NBPF11: variants seen among roughly 807,000 people sequenced by gnomAD.
The protein encoded by NBPF11 is NBPF family member NBPF11.
Under a neutral mutation model 93.9 loss-of-function variants are expected in NBPF11, and 72 were observed. That is an observed-to-expected ratio of 0.77 (90% CI 0.63 to 0.93). The LOEUF (loss-of-function observed/expected upper bound fraction) is 0.93. NBPF11 is among the 40% of genes least tolerant of loss of function. NBPF11 has a pLI of 0.00. For synonymous variants in NBPF11, 224 were observed against 304.9 expected, an observed-to-expected ratio of 0.73 and a Z score of 2.76; for missense variants, 705 against 802.2, an observed-to-expected ratio of 0.88 and a Z score of 1.46.
At chr1:148,136,291 T>C (rs1448279692) in intron 3 of NBPF11, among the ~76,000 whole-genome samples, 1 of 151,700 alleles carries the variant, frequency 6.6e-6, no homozygotes, top group African/African-American at 2.4e-5. Flanking sequence ...AGCAGTTTTA[T>C]TCGTAATAGG....
At chr1:148,128,918 A>G (rs1378416553) in intron 4 of NBPF11, among the ~76,000 whole-genome samples, 1 of 146,070 alleles carries the variant, frequency 6.8e-6, no homozygotes, top group Non-Finnish European at 1.5e-5. Flanking sequence ...CGGTGCGAGC[A>G]TGTTCTCACT....
Position 148,138,276 on chromosome 1 carries a change from G to A in NBPF11, c.-276-467C>T, listed in dbSNP as rs1271090277. Among the ~76,000 whole-genome samples, 14 of 151,030 alleles carry A rather than the reference G, an allele frequency of 9.3e-5. 1 individual carries two copies. The highest frequency in any genetic ancestry group is 2.0e-4 in the African/African-American group (8 of 40,708). ...GGAATATACAATCGGGCTTTACACC[G>A]AGACATTCCATTGCCCAGGGATGAG... is the stretch of plus-strand genomic sequence containing the variant. On this transcript the variant is annotated intron_variant, in intron 2 of 23. Transcript: ENST00000682118.
In NBPF11 at chr1:148,122,120, G is replaced by T. The variant is rs1182601638; in HGVS notation, c.713C>A (p.Ser238Ter). The change falls in exon 9 of 24, where the codon TCA (serine) becomes TAA (stop). Residue 238 changes from serine to a stop codon, truncating the protein, a stop_gained. Coordinates refer to ENST00000682118, the MANE Select transcript of NBPF11 (RefSeq NM_001385469.3). LOFTEE classifies it high-confidence loss of function. ...KITFEEDKVN[S>*]SLVVDRESSH... ...GGATTCTCTGTCTACAACCAGAGAT[G>T]AGTTGACTTTGTCTTCCTCAAATGT... is the stretch of plus-strand genomic sequence containing the variant. The T allele has an allele frequency of 6.2e-7, 1 of 1,613,452 alleles. No homozygotes were observed. The highest frequency in any genetic ancestry group is 1.1e-5 in the South Asian group (1 of 91,062).
intron 17 of NBPF11, 134 bp downstream of exon 17, chr1:148,109,150 A>C (rs1369525742): frequency 2.5e-6 from 2 of 784,454 alleles, no homozygotes; most frequent in African/African-American, 3.4e-5. Flanking sequence ...GAGAACCAAA[A>C]AACAATGCAG....
At position 148,119,844 on chromosome 1, in the gene NBPF11, T is replaced by C. The variant is rs1236266744; in HGVS notation, c.988+657A>G. Among the ~76,000 whole-genome samples, 8 of 151,960 alleles carry C rather than the reference T, an allele frequency of 5.3e-5. No individual in the cohort carries two copies. The East Asian group carries it at 5.8e-4, about 11-fold the overall frequency. ...CTACTTTTTGTATTTTTAGTGGAGA[T>C]GGGGTTTCTCCATGTTGCCCAGGCT... is the stretch of plus-strand genomic sequence containing the variant. On this transcript the variant is annotated intron_variant, in intron 10 of 23. Coordinates refer to ENST00000682118, the MANE Select transcript of NBPF11 (RefSeq NM_001385469.3).
rs1168755044 is a variant in NBPF11 at position 148,120,583 on chromosome 1, C to G, written c.906G>C (p.Lys302Asn). The G allele has an allele frequency of 2.1e-6, 3 of 1,440,552 alleles. No individual in the cohort carries two copies. The African/African-American group carries it at 4.2e-5, about 20-fold the overall frequency. 89.2% of individuals were successfully genotyped at this position (1,440,552 alleles called of 1,614,324 possible). The change falls in exon 10 of 24, where the codon AAG (lysine) becomes AAC (asparagine). Residue 302 changes from lysine (K) to asparagine (N), a missense_variant. Around this residue, in one of 12 missense-constraint regions of NBPF11, gnomAD observed 262 missense variants for 223.1 expected, o/e 1.17. Transcript: ENST00000682118. Reference protein sequence around the residue: ...NEKLCPQLAEKKQQFRSLKEK... With the variant: ...NEKLCPQLAENKQQFRSLKEK... The stretch of plus-strand genomic sequence containing the variant: ...CTTTGAGGCTTCTGAACTGCTGTTT[C>G]TTCTCTGCCAGCTGGGGGCACAATT...
intron 4 of NBPF11, among the ~76,000 whole-genome samples, chr1:148,130,958 T>C (rs1253951279): frequency 2.9e-4 from 44 of 152,084 alleles, no homozygotes; most frequent in Middle Eastern, 3.4e-3. Context: ...GTCTTGTAAA[T>C]ACTGAGTAGT....
rs1475744853 is a variant in NBPF11 at position 148,134,967 on chromosome 1, T to C, written c.-36+705A>G. Among the ~76,000 whole-genome samples the C allele has an allele frequency of 2.5e-4, 38 of 151,660 alleles. 2 individuals are homozygous for C. Among genetic ancestry groups the C allele is most frequent in the African/African-American group, 8.5e-4 (35 of 41,040 alleles). On this transcript the variant is annotated intron_variant, in intron 4 of 23. Transcript: ENST00000682118. ...TCTTCACCTTTTCAATAAACCTGCC[T>C]GAATTAAAGCTGATGGGAGTTTATT...
intron 11 of NBPF11, among the ~76,000 whole-genome samples, chr1:148,118,391 C>A (rs3992650): frequency 5.3e-5 from 8 of 151,560 alleles, no homozygotes; most frequent in Admixed American, 2.6e-4. Context: ...TTCACATCAA[C>A]AATTACTTGT....
chr1:148,138,358 T>A (rs1326198484), intron 2 of NBPF11, among the ~76,000 whole-genome samples: 1 of 151,172 alleles, frequency 6.6e-6, no homozygotes, highest in African/African-American at 2.4e-5. Flanking sequence ...CTTCCTCTTT[T>A]ACTAATCCTC....
rs1315470794 is a variant in NBPF11 at position 148,102,357 on chromosome 1, T to G, written c.*1539A>C. On this transcript the variant is annotated 3_prime_UTR_variant, in exon 24 of 24. Coordinates refer to ENST00000682118, the MANE Select transcript of NBPF11 (RefSeq NM_001385469.3). ...GGAGGATTAATAAATGATAAAATGTTTAGAGGATGATCATTAGAATACAGG... is the reference window on the plus strand; with the variant it reads ...GGAGGATTAATAAATGATAAAATGTGTAGAGGATGATCATTAGAATACAGG... 1 of 151,796 alleles carries G rather than the reference T, an allele frequency of 6.6e-6. No homozygotes were observed. Among genetic ancestry groups the G allele is most frequent in the Admixed American group, 6.6e-5 (1 of 15,252 alleles). The allele number at this position is 151,796 out of a possible 1,614,324, so 9.4% of individuals were successfully genotyped here.
At chr1:148,149,136 G>A (rs1647556260) in intron 1 of NBPF11, 3 of 1,582,908 alleles carry the variant, frequency 1.9e-6, no homozygotes, top group Non-Finnish European at 2.6e-6. Context: ...GGAGGCCGCG[G>A]CTGACCCTGC....
chr1:148,116,169 T>C (rs28601624), intron 13 of NBPF11, among the ~76,000 whole-genome samples, 171 bp from the exon 14 acceptor site: 11 of 151,894 alleles, frequency 7.2e-5, no homozygotes, highest in South Asian at 4.2e-4. Flanking sequence ...CAACAGAGCA[T>C]GGCTGCCATG....
intron 1 of NBPF11, among the ~76,000 whole-genome samples, chr1:148,147,541 G>A (rs1294210844): frequency 6.6e-6 from 1 of 152,010 alleles, no homozygotes; most frequent in African/African-American, 2.4e-5. Context: ...GTGCTGCTTT[G>A]GACGAGGAGA....
At position 148,122,040 on chromosome 1, in the gene NBPF11, G is replaced by A; in HGVS notation, c.778+15C>T. The A allele has an allele frequency of 6.3e-7, 1 of 1,582,490 alleles. No homozygotes were observed. Among genetic ancestry groups the A allele is most frequent in the South Asian group, 1.1e-5 (1 of 90,382 alleles). On this transcript the variant is annotated intron_variant, in intron 9 of 23. Coordinates refer to ENST00000682118, the MANE Select transcript of NBPF11 (RefSeq NM_001385469.3). Reference sequence around the variant, plus strand: ...CCTAGACAGAGGTATGAGACACAAGGAAAATAGAGGCTACCTGGGAGAATG... The same window carrying A: ...CCTAGACAGAGGTATGAGACACAAGAAAAATAGAGGCTACCTGGGAGAATG...
intron 1 of NBPF11, among the ~76,000 whole-genome samples, chr1:148,150,245 A>G (rs2746937): frequency 0.1 from 13,051 of 126,558 alleles, 917 homozygotes; most frequent in African/African-American, 0.19. Context: ...TCAACCTCCC[A>G]GGCTCTGTTG....
chr1:148,130,784 C>A (rs1227444120), intron 4 of NBPF11, among the ~76,000 whole-genome samples: 1 of 151,926 alleles, frequency 6.6e-6, no homozygotes, highest in Non-Finnish European at 1.5e-5. Flanking sequence ...GTTTCTTGTA[C>A]CCCTTTGCAG....
intron 10 of NBPF11, 94 bp downstream of exon 10, chr1:148,120,407 T>A (rs1667552443): frequency 1.3e-6 from 1 of 769,022 alleles, no homozygotes; most frequent in East Asian, 2.4e-5. Context: ...ATGGGGAGGA[T>A]GACATTATTT....
chr1:148,108,710 C>T (rs1295558674), intron 17 of NBPF11, 56 bp from the exon 18 acceptor site: 1 of 774,072 alleles, frequency 1.3e-6, no homozygotes, highest in Admixed American at 1.9e-5. Flanking sequence ...AACCACACAG[C>T]CCCAGCTAGA....
Sources: gnomAD v4.1 joint callset for allele counts (sites outside exome capture counted in the v4.1 genomes callset) on GRCh38, gnomAD v4.1.1 for gene constraint, gnomAD v4.1.1 regional missense constraint, MANE v1.5 for transcripts, NCBI Gene and HGNC (gene_info 2026-07-23, HGNC 2026-07-21) for gene names.